CADPS2: variants seen among roughly 807,000 people sequenced by gnomAD.
The protein encoded by CADPS2 is calcium-dependent secretion activator 2.
Under a neutral mutation model 172.5 loss-of-function variants are expected in CADPS2, and 93 were observed. The observed-to-expected ratio is 0.54, with a 90% CI of 0.46 to 0.64. The LOEUF is 0.64. CADPS2 is among the 30% of genes least tolerant of loss of function. The probability of loss-of-function intolerance (pLI) is 0.00; values close to 1 mark genes in which losing one functional copy is unlikely to be tolerated. For missense variants in CADPS2, 1,420 were observed against 1,565.9 expected (o/e 0.91, Z 1.57); for synonymous variants, 546 against 555.2 (o/e 0.98, Z 0.23).
intron 28 of CADPS2, among the ~76,000 whole-genome samples, chr7:122,344,874 G>A (rs1404160229): frequency 6.6e-6 from 1 of 152,094 alleles, no homozygotes; most frequent in Non-Finnish European, 1.5e-5. Context: ...GCCTCCAGCA[G>A]TCAAAAGAAG....
intron 1 of CADPS2, among the ~76,000 whole-genome samples, chr7:122,853,168 G>A (rs1814159443): frequency 6.6e-6 from 1 of 152,138 alleles, no homozygotes. Flanking sequence ...TACAGTCCTA[G>A]ACAGCTGGCT....
chr7:122,823,101 C>T (rs1372613948), intron 1 of CADPS2, among the ~76,000 whole-genome samples: 1 of 152,166 alleles, frequency 6.6e-6, no homozygotes, highest in Non-Finnish European at 1.5e-5. Context: ...GGGACATTTG[C>T]ATGTCTTCTT....
intron 2 of CADPS2, among the ~76,000 whole-genome samples, chr7:122,684,607 G>A (rs1385357998): frequency 6.6e-6 from 1 of 152,012 alleles, no homozygotes; most frequent in East Asian, 1.9e-4. Context: ...TTCCACAATG[G>A]ATGAGAAATC....
In CADPS2 at chr7:122,355,459, T is replaced by A. The variant is rs938235477; in HGVS notation, c.3504+5329A>T. Reference sequence around the variant, plus strand: ...AGCCAGGTGTGGTTGCACATGCCTGTTTTCCCGGCTACTTCGGAAGCTGAG... The same window carrying A: ...AGCCAGGTGTGGTTGCACATGCCTGATTTCCCGGCTACTTCGGAAGCTGAG... On this transcript the variant is annotated intron_variant, in intron 27 of 29. Transcript: ENST00000449022. Among the ~76,000 whole-genome samples, 3 of 151,900 alleles carry A rather than the reference T, an allele frequency of 2.0e-5. No homozygotes were observed. The South Asian group carries it at 6.2e-4, about 32-fold the overall frequency.
chr7:122,344,767 T>TA (rs2037316567), intron 28 of CADPS2, among the ~76,000 whole-genome samples: 2 of 152,164 alleles, frequency 1.3e-5, no homozygotes, highest in Admixed American at 1.3e-4. Flanking sequence ...AACACCATGG[T>TA]AAAATTATTA....
chr7:122,848,665 C>G (rs2141049176), intron 1 of CADPS2, among the ~76,000 whole-genome samples: 1 of 152,342 alleles, frequency 6.6e-6, no homozygotes. Flanking sequence ...GTTTCATTCT[C>G]TCATTCAGAG....
In CADPS2 at chr7:122,774,267, T is replaced by TACAC. The variant is rs1204089273; in HGVS notation, c.340-37200_340-37199insGTGT. Among the ~76,000 whole-genome samples, 8 of 119,576 alleles carry TACAC rather than the reference T, an allele frequency of 6.7e-5. No individual in the cohort carries two copies. In the East Asian group the frequency reaches 7.0e-4, roughly 10 times the overall value. 78.4% of individuals were successfully genotyped at this position (119,576 alleles called of 152,430 possible). On this transcript the variant is annotated intron_variant, in intron 1 of 29. Transcript: ENST00000449022. ...ATATATATATATAGACATAGATAGA[T>TACAC]ATACACACACACACACACACACACA...
At chr7:122,832,975 C>T (rs1329546601) in intron 1 of CADPS2, among the ~76,000 whole-genome samples, 2 of 152,186 alleles carry the variant, frequency 1.3e-5, no homozygotes, top group Non-Finnish European at 2.9e-5. Context: ...TCGTCTTTAA[C>T]TGCAGAACAG....
chr7:122,345,546 A>G (rs1334538771), intron 28 of CADPS2, 28 bp downstream of exon 28: 2 of 1,328,808 alleles, frequency 1.5e-6, no homozygotes, highest in Admixed American at 3.4e-5. Context: ...CTATGGTGTC[A>G]GCATACCTTG....
chr7:122,386,539 A>C (rs116239319), intron 24 of CADPS2, among the ~76,000 whole-genome samples: 4,383 of 152,152 alleles, frequency 0.029, 226 homozygotes, highest in African/African-American at 0.1. Context: ...AAATATAAAT[A>C]AAATAGAAAG....
chr7:122,589,946 T>C (rs190459825), intron 6 of CADPS2, among the ~76,000 whole-genome samples: 2 of 152,042 alleles, frequency 1.3e-5, no homozygotes, highest in African/African-American at 2.4e-5. Context: ...ATCTCAAGTA[T>C]AGAGCACTGA....
chr7:122,321,156 TTGATTGATTGAC>T (rs762303920), intron 29 of CADPS2, among the ~76,000 whole-genome samples: 104 of 152,304 alleles, frequency 6.8e-4, no homozygotes, highest in African/African-American at 1.9e-3. Context: ...TTTACATTGA[TTGATTGATTGAC>T]TGATTGATTG....
intron 2 of CADPS2, among the ~76,000 whole-genome samples, chr7:122,725,630 C>T (rs937666169): frequency 1.4e-5 from 2 of 145,168 alleles, no homozygotes; most frequent in African/African-American, 2.5e-5. Context: ...TGGCTTATTA[C>T]TAAAAAGTCA....
At chr7:122,566,783 A>C (rs191163470) in intron 7 of CADPS2, among the ~76,000 whole-genome samples, 10 of 152,314 alleles carry the variant, frequency 6.6e-5, no homozygotes, top group African/African-American at 1.9e-4. Flanking sequence ...AACAAAAGTA[A>C]CTAATTCTGC....
At chr7:122,859,203 G>A (rs1436902977) in intron 1 of CADPS2, among the ~76,000 whole-genome samples, 2 of 152,136 alleles carry the variant, frequency 1.3e-5, no homozygotes, top group Admixed American at 6.6e-5. Flanking sequence ...TTTATATTAT[G>A]TTAAAGAAAA....
At chr7:122,568,456 A>G (rs1299491494) in intron 7 of CADPS2, among the ~76,000 whole-genome samples, 1 of 152,150 alleles carries the variant, frequency 6.6e-6, no homozygotes, top group African/African-American at 2.4e-5. Context: ...CAAATACAAA[A>G]CTATAGCAAG....
chr7:122,833,521 C>T (rs78518134), intron 1 of CADPS2, among the ~76,000 whole-genome samples: 1 of 151,872 alleles, frequency 6.6e-6, no homozygotes, highest in Non-Finnish European at 1.5e-5. Flanking sequence ...CCTCCCACCA[C>T]ACCCAGCTTT....
intron 1 of CADPS2, among the ~76,000 whole-genome samples, chr7:122,771,646 A>C (rs2093706367): frequency 6.6e-6 from 1 of 152,254 alleles, no homozygotes; most frequent in African/African-American, 2.4e-5. Context: ...CAGTGTGAAT[A>C]GCCACAGTGT....
intron 25 of CADPS2, among the ~76,000 whole-genome samples, chr7:122,361,953 A>T (rs1181224638): frequency 6.6e-6 from 1 of 152,040 alleles, no homozygotes; most frequent in Non-Finnish European, 1.5e-5. Flanking sequence ...CATATCTGTA[A>T]TCTTAGCTAC....
Sources: allele counts gnomAD v4.1 joint callset (sites outside exome capture counted in the v4.1 genomes callset), GRCh38; gene constraint gnomAD v4.1.1; transcripts MANE v1.5; gene names NCBI Gene and HGNC (gene_info 2026-07-23, HGNC 2026-07-21).